Variants in LIMS1 observed in about 807,000 individuals in gnomAD.
The protein encoded by LIMS1 is LIM and senescent cell antigen-like-containing domain protein 1.
A neutral mutation model predicts 44.1 loss-of-function variants in LIMS1; 18 were observed. That is an observed-to-expected ratio of 0.41 (90% confidence interval 0.28 to 0.61). LIMS1 has a LOEUF of 0.61. LIMS1 is among the 20% of genes least tolerant of loss of function. The pLI is 0.32. For missense variants in LIMS1, 201 were observed against 422.0 expected (o/e 0.48, Z 4.59); for synonymous variants, 93 against 149.1 (o/e 0.62, Z 2.74).
chr2:108,541,546 A>G (rs1197230506), intron 1 of LIMS1, among the ~76,000 whole-genome samples: 1 of 152,238 alleles, frequency 6.6e-6, no homozygotes, highest in East Asian at 1.9e-4. Context: ...TTTTCAAAAT[A>G]TTGAGAAGCT....
intron 1 of LIMS1, among the ~76,000 whole-genome samples, chr2:108,538,932 C>T (rs1684226659): frequency 6.6e-6 from 1 of 152,124 alleles, no homozygotes; most frequent in Non-Finnish European, 1.5e-5. Flanking sequence ...TCTGGGTTTA[C>T]CTTATGTTTT....
At chr2:108,637,987 C>T (rs531173388) in intron 1 of LIMS1, among the ~76,000 whole-genome samples, 7 of 151,930 alleles carry the variant, frequency 4.6e-5, no homozygotes, top group African/African-American at 1.4e-4. Context: ...TCCTTAGTAG[C>T]GCCTACAGGT....
At chr2:108,665,597 G>T (rs1267386378) in intron 2 of LIMS1, among the ~76,000 whole-genome samples, 1 of 151,958 alleles carries the variant, frequency 6.6e-6, no homozygotes, top group Non-Finnish European at 1.5e-5. Context: ...TGTGATCTTG[G>T]CTCACTGCAA....
chr2:108,667,760 A>G (rs1691881057), intron 2 of LIMS1, among the ~76,000 whole-genome samples: 1 of 151,744 alleles, frequency 6.6e-6, no homozygotes, highest in Non-Finnish European at 1.5e-5. Flanking sequence ...CTCAGAGCTT[A>G]CCAAAATCTT....
intron 1 of LIMS1, among the ~76,000 whole-genome samples, chr2:108,554,433 C>G (rs1684855075): frequency 6.6e-6 from 1 of 152,120 alleles, no homozygotes; most frequent in Admixed American, 6.5e-5. Flanking sequence ...TGGGGTAGTG[C>G]TACTGAAGGA....
chr2:108,574,461 A>G (rs143779444), intron 1 of LIMS1, among the ~76,000 whole-genome samples: 1 of 152,132 alleles, frequency 6.6e-6, no homozygotes, highest in South Asian at 2.1e-4. Context: ...ACCTTCTGCA[A>G]ACTCCGAGAG....
chr2:108,534,448 C>G (rs1684043206), exon 1 of LIMS1: 4 of 840,028 alleles, frequency 4.8e-6, no homozygotes, highest in African/African-American at 1.8e-5. Context: ...GGCCTTCCTC[C>G]CCTTCCTGCT....
At chr2:108,575,061 T>C (rs1356419155) in intron 1 of LIMS1, among the ~76,000 whole-genome samples, 2 of 152,230 alleles carry the variant, frequency 1.3e-5, no homozygotes, top group East Asian at 3.8e-4. Flanking sequence ...CAGGATACTC[T>C]TCTTTTGAAG....
intron 1 of LIMS1, among the ~76,000 whole-genome samples, chr2:108,602,335 T>C (rs1292506321): frequency 6.6e-6 from 1 of 152,224 alleles, no homozygotes; most frequent in East Asian, 1.9e-4. Flanking sequence ...ACTGTGTTGA[T>C]AACAGTGGTG....
intron 1 of LIMS1, among the ~76,000 whole-genome samples, chr2:108,650,683 C>T (rs1056031680): frequency 2.0e-5 from 3 of 152,120 alleles, no homozygotes; most frequent in African/African-American, 7.2e-5. Context: ...GCCTCGGCCT[C>T]CCAAAGTGCA....
Position 108,538,460 on chromosome 2 carries a change from A to G in LIMS1, c.32+3866A>G, listed in dbSNP as rs142937602. ...CTGAAGAGTGCATTCTGTGAGAGGT[A>G]GGAAGAAAGGTGAAGGCAGTAGTTC... On this transcript the variant is annotated intron_variant, in intron 1 of 9. Coordinates refer to ENST00000544547, the Ensembl canonical transcript of LIMS1. Among the ~76,000 whole-genome samples, 5 of 152,314 alleles carry G rather than the reference A, an allele frequency of 3.3e-5. No homozygotes were observed. The East Asian group carries it at 7.7e-4, about 24-fold the overall frequency.
chr2:108,548,358 C>T (rs55782836), intron 1 of LIMS1, among the ~76,000 whole-genome samples: 10,332 of 151,756 alleles, frequency 0.068, 467 homozygotes, highest in Non-Finnish European at 0.078. Context: ...TGGGCATTTG[C>T]CAGATCTATA....
rs374148447 is a variant in LIMS1 at position 108,581,191 on chromosome 2, T to C, written c.32+46597T>C. Among the ~76,000 whole-genome samples the C allele has an allele frequency of 9.5e-4, 145 of 152,336 alleles. 1 individual carries two copies. In the Middle Eastern group the frequency reaches 0.014, roughly 14 times the overall value. On this transcript the variant is annotated intron_variant, in intron 1 of 9. Coordinates refer to ENST00000544547, the Ensembl canonical transcript of LIMS1. ...ACAAAACCAGTTAGGCCTTATATGT[T>C]ACCTCAGCCTTGCTTAAATTGCAGA... is the stretch of plus-strand genomic sequence containing the variant.
intron 1 of LIMS1, among the ~76,000 whole-genome samples, chr2:108,537,145 G>T (rs1684171119): frequency 6.6e-6 from 1 of 152,128 alleles, no homozygotes; most frequent in African/African-American, 2.4e-5. Flanking sequence ...TGTTGTTTTT[G>T]CACTATCTGT....
At chr2:108,687,076 A>G (rs1226064274) in exon 10 of LIMS1, 4 of 152,322 alleles carry the variant, frequency 2.6e-5, no homozygotes, top group African/African-American at 4.8e-5. Context: ...TCATTTGCCA[A>G]AGTAGCCATT....
intron 1 of LIMS1, among the ~76,000 whole-genome samples, chr2:108,536,971 A>G (rs762155059): frequency 1.3e-5 from 2 of 152,184 alleles, no homozygotes; most frequent in Non-Finnish European, 2.9e-5. Flanking sequence ...CAGAAATCGT[A>G]TGTTTAGTTT....
chr2:108,550,291 C>A (rs1384527437), intron 1 of LIMS1, among the ~76,000 whole-genome samples: 1 of 149,806 alleles, frequency 6.7e-6, no homozygotes, highest in Non-Finnish European at 1.5e-5. Flanking sequence ...GTCAGGAGAT[C>A]GAGACCATCC....
At position 108,612,051 on chromosome 2, in the gene LIMS1, CACATAT is replaced by C. The variant is rs1309499515; in HGVS notation, c.33-47552_33-47547del. ...ATATACACACACACACACACACACA[CACATAT>C]ATATATATATATACATATATATATG... On this transcript the variant is annotated intron_variant, in intron 1 of 9. Transcript: ENST00000544547. 3.3e-4 allele frequency among the ~76,000 whole-genome samples: 31 copies of C among 95,300 alleles called. 2 individuals are homozygous for C. The highest frequency in any genetic ancestry group is 1.1e-3 in the African/African-American group (23 of 20,634). The allele number at this position is 95,300 out of a possible 152,430, so 62.5% of individuals were successfully genotyped here. A position where few individuals can be genotyped will look rare whatever the true frequency, so the allele number is the denominator to read the frequency against.
chr2:108,626,860 A>G (rs1368536494), intron 1 of LIMS1, among the ~76,000 whole-genome samples: 2 of 152,184 alleles, frequency 1.3e-5, no homozygotes, highest in Non-Finnish European at 2.9e-5. Context: ...CCAAAGGGAA[A>G]TGTATTTTTC....
Sources: allele counts gnomAD v4.1 joint callset (sites outside exome capture counted in the v4.1 genomes callset), GRCh38; gene constraint gnomAD v4.1.1; transcripts MANE v1.5; gene names NCBI Gene and HGNC (gene_info 2026-07-23, HGNC 2026-07-21).